Variants in GALNT3 observed in about 807,000 individuals in gnomAD.
GALNT3 encodes polypeptide N-acetylgalactosaminyltransferase 3, also known as GalNAc transferase 3.
Under a neutral mutation model 69.8 loss-of-function variants are expected in GALNT3, and 51 were observed. The observed-to-expected ratio is 0.73, with a 90% CI of 0.58 to 0.92. The LOEUF (loss-of-function observed/expected upper bound fraction) is 0.92. Among genes scored for constraint, GALNT3 ranks in the 40% least tolerant of loss-of-function variants. The pLI, the probability that GALNT3 is intolerant of heterozygous loss-of-function variation, is 0.00. For missense variants in GALNT3, 711 were observed against 760.0 expected (o/e 0.94, Z 0.76); for synonymous variants, 265 against 248.5 (o/e 1.07, Z -0.63).
intron 1 of GALNT3, among the ~76,000 whole-genome samples, chr2:165,780,610 T>C (rs78320465): frequency 0.01 from 1,579 of 152,304 alleles, 16 homozygotes; most frequent in African/African-American, 0.025. Context: ...TAGTGTTTTG[T>C]TCAGATTCAT....
intron 1 of GALNT3, among the ~76,000 whole-genome samples, chr2:165,773,826 CAG>C (rs1229909801): frequency 1.3e-5 from 2 of 150,986 alleles, no homozygotes; most frequent in Non-Finnish European, 2.9e-5. Flanking sequence ...AATGAAAACA[CAG>C]ATAAATTATC....
chr2:165,785,286 A>T (rs1683197146), intron 1 of GALNT3, among the ~76,000 whole-genome samples: 1 of 152,210 alleles, frequency 6.6e-6, no homozygotes. Flanking sequence ...TTATATGCTG[A>T]TATGAAATGA....
intron 9 of GALNT3, among the ~76,000 whole-genome samples, chr2:165,753,489 C>A (rs1485029004): frequency 6.6e-6 from 1 of 151,956 alleles, no homozygotes; most frequent in Non-Finnish European, 1.5e-5. Context: ...TTTCTATACC[C>A]CCAGAACACT....
At chr2:165,758,901 A>G (rs1185448350) in intron 5 of GALNT3, 37 bp from the exon 6 acceptor site, 1 of 1,260,430 alleles carries the variant, frequency 7.9e-7, no homozygotes, top group Admixed American at 1.7e-5. Context: ...TGTTATAAAA[A>G]CTAAACAAGA....
chr2:165,793,117 C>T (rs1367438444), intron 1 of GALNT3, among the ~76,000 whole-genome samples: 1 of 152,136 alleles, frequency 6.6e-6, no homozygotes, highest in African/African-American at 2.4e-5. Flanking sequence ...CAGTTTCACC[C>T]TCAATTCTTA....
At chr2:165,759,135 G>A (rs1485848155) in intron 5 of GALNT3, among the ~76,000 whole-genome samples, 4 of 152,254 alleles carry the variant, frequency 2.6e-5, no homozygotes, top group Non-Finnish European at 5.9e-5. Context: ...AGACATAAGA[G>A]CTCACTCACT....
At chr2:165,750,752 T>C (rs901671417) in intron 9 of GALNT3, among the ~76,000 whole-genome samples, 3 of 152,194 alleles carry the variant, frequency 2.0e-5, no homozygotes, top group Non-Finnish European at 4.4e-5. Context: ...ATCTTTCTTT[T>C]TGATCTTGCA....
At chr2:165,750,676 G>T (rs1161741508) in intron 9 of GALNT3, among the ~76,000 whole-genome samples, 1 of 152,118 alleles carries the variant, frequency 6.6e-6, no homozygotes, top group Non-Finnish European at 1.5e-5. Flanking sequence ...ATCCCTGACT[G>T]CCCTTGCTTA....
intron 2 of GALNT3, 57 bp downstream of exon 2, chr2:165,770,129 T>C: frequency 3.1e-6 from 5 of 1,602,394 alleles, no homozygotes; most frequent in Non-Finnish European, 4.3e-6. Flanking sequence ...AGCTCACCCC[T>C]CTCTCCCCTG....
intron 2 of GALNT3, among the ~76,000 whole-genome samples, chr2:165,767,641 A>G (rs1027176663): frequency 2.0e-5 from 3 of 152,198 alleles, no homozygotes; most frequent in African/African-American, 4.8e-5. Flanking sequence ...ATTGTTTTAC[A>G]TATTTAAAAT....
At chr2:165,765,276 T>G (rs2105413723) in intron 2 of GALNT3, among the ~76,000 whole-genome samples, 1 of 152,276 alleles carries the variant, frequency 6.6e-6, no homozygotes, top group East Asian at 1.9e-4. Context: ...CCAACAGAGA[T>G]GACAACATAT....
intron 4 of GALNT3, 141 bp downstream of exon 4, chr2:165,761,764 G>C (rs955807075): frequency 7.9e-6 from 7 of 885,580 alleles, no homozygotes; most frequent in Non-Finnish European, 1.3e-5. Flanking sequence ...TGCTTGGGCT[G>C]TCATTGCTAT....
chr2:165,788,644 C>A (rs985946355), intron 1 of GALNT3, among the ~76,000 whole-genome samples: 1 of 151,676 alleles, frequency 6.6e-6, no homozygotes, highest in Non-Finnish European at 1.5e-5. Flanking sequence ...GAAGCAAGAC[C>A]TTCTTTGAGT....
At chr2:165,758,704 C>A in intron 6 of GALNT3, 43 bp downstream of exon 6, 3 of 1,157,588 alleles carry the variant, frequency 2.6e-6, no homozygotes, top group South Asian at 2.5e-5. Context: ...CAATATATTT[C>A]ATTGTTTAAT....
chr2:165,770,789 G>A lies in GALNT3; in HGVS notation c.-89C>T, dbSNP rs1302812960. On this transcript the variant is annotated 5_prime_UTR_variant, in exon 2 of 11. Transcript: ENST00000392701. ...TTTATCATAGATTTGCTGAGAAGAA[G>A]GTATCTTTAATGGTAGTACCTATAA... 6 of 1,455,710 alleles carry A rather than the reference G, an allele frequency of 4.1e-6. No individual in the cohort carries two copies. Among genetic ancestry groups the A allele is most frequent in the Non-Finnish European group, 5.6e-6 (6 of 1,065,868 alleles). The allele number at this position is 1,455,710 out of a possible 1,614,324, so 90.2% of individuals were successfully genotyped here. A position where few individuals can be genotyped will look rare whatever the true frequency, so the allele number is the denominator to read the frequency against.
At chr2:165,788,476 T>TGC (rs1446982802) in intron 1 of GALNT3, among the ~76,000 whole-genome samples, 1 of 147,622 alleles carries the variant, frequency 6.8e-6, no homozygotes. Context: ...GGTGTGTGTG[T>TGC]GTGTGTGTGT....
intron 2 of GALNT3, among the ~76,000 whole-genome samples, chr2:165,766,289 C>T (rs1183970031): frequency 1.3e-5 from 2 of 152,190 alleles, no homozygotes; most frequent in African/African-American, 4.8e-5. Flanking sequence ...CCATCTAAAA[C>T]ATTGATTGGG....
chr2:165,774,103 G>T (rs1175653800), intron 1 of GALNT3, among the ~76,000 whole-genome samples: 1 of 152,098 alleles, frequency 6.6e-6, no homozygotes, highest in Non-Finnish European at 1.5e-5. Flanking sequence ...AAAATGTTGG[G>T]GTCTCACAGG....
intron 1 of GALNT3, among the ~76,000 whole-genome samples, chr2:165,788,743 GA>G (rs542412297): frequency 1.6e-4 from 24 of 145,512 alleles, no homozygotes; most frequent in Admixed American, 2.8e-4. Context: ...AAGCACACAA[GA>G]AAAAAAAAAC....
Sources: allele counts gnomAD v4.1 joint callset (sites outside exome capture counted in the v4.1 genomes callset), GRCh38; gene constraint gnomAD v4.1.1; transcripts MANE v1.5; gene names NCBI Gene and HGNC (gene_info 2026-07-23, HGNC 2026-07-21).